The following PDXDC1 variants were observed in gnomAD, a reference collection of about 807,000 sequenced individuals.
PDXDC1 encodes pyridoxal-dependent decarboxylase domain-containing protein 1.
Under a neutral mutation model 100.1 loss-of-function variants are expected in PDXDC1, and 42 were observed. That is an observed-to-expected ratio of 0.42 (90% CI 0.33 to 0.54). The LOEUF (loss-of-function observed/expected upper bound fraction) is 0.54, where lower values mean the gene tolerates loss of function less well. Among genes scored for constraint, PDXDC1 ranks in the 20% least tolerant of loss-of-function variants. PDXDC1 has a pLI of 0.10. For synonymous variants in PDXDC1, 260 were observed against 371.7 expected (o/e 0.70, Z 3.46); for missense variants, 636 against 979.2 (o/e 0.65, Z 4.68).
At chr16:15,061,346 C>G (rs2044702678) in intron 16 of PDXDC1, 1 of 186,896 alleles carries the variant, frequency 5.4e-6, no homozygotes, top group African/African-American at 2.3e-5. Flanking sequence ...GCTCATCAGT[C>G]AAGTCCTAAG....
intron 16 of PDXDC1, chr16:15,048,109 TAA>T: frequency 9.8e-6 from 14 of 1,432,714 alleles, no homozygotes; most frequent in African/African-American, 1.5e-5. Context: ...CCTGTTTAAT[TAA>T]AAAAAAAATA....
intron 16 of PDXDC1, among the ~76,000 whole-genome samples, chr16:15,098,538 T>G (rs1294642921): frequency 2.6e-5 from 4 of 152,012 alleles, no homozygotes; most frequent in Admixed American, 2.6e-4. Context: ...TTCATCTGGA[T>G]CCTCCCTACC....
rs2043284878 is a variant in PDXDC1 at position 15,034,620 on chromosome 16, C to T, written c.2002+67C>T. The T allele has an allele frequency of 3.7e-6, 4 of 1,088,518 alleles. No homozygotes were observed. The Admixed American group carries it at 7.0e-5, about 19-fold the overall frequency. 67.4% of individuals were successfully genotyped at this position (1,088,518 alleles called of 1,614,324 possible). On this transcript the variant is annotated intron_variant, in intron 21 of 22. Transcript: ENST00000396410. The stretch of plus-strand genomic sequence containing the variant: ...GAGGTTTCACCAAATGCCCTTGGGT[C>T]CCAACACTTCCCACTGAGAATCCCG...
At chr16:15,039,642 C>T (rs956660233), downstream of PDXDC1, among the ~76,000 whole-genome samples, 4 of 152,152 alleles carry the variant, frequency 2.6e-5, no homozygotes, top group Admixed American at 6.5e-5. Context: ...CTCTCTCCTG[C>T]GTCCCAGTTC....
intron 16 of PDXDC1, chr16:15,131,252 T>G (rs766493283): frequency 4.1e-5 from 66 of 1,592,372 alleles, no homozygotes; most frequent in South Asian, 3.6e-4. Context: ...ACCTTCACGG[T>G]GATGGCGCGC....
Position 15,008,847 on chromosome 16 carries a change from G to A in PDXDC1, c.648G>A (p.Met216Ile). The A allele has an allele frequency of 6.2e-7, 1 of 1,613,450 alleles. No homozygotes were observed. The highest frequency in any genetic ancestry group is 8.5e-7 in the Non-Finnish European group (1 of 1,179,642). Residue 216 changes from methionine (M) to isoleucine (I), a missense_variant and splice_region_variant, in exon 7 of 23, where the codon ATG becomes ATA. Transcript: ENST00000396410. ...CNTVFGSQHQ[M>I]DVAFLEKLIK... ...CTGTGTTTGGATCCCAGCATCAGAT[G>A]GTGAGTTCTACTTTTGGTTTGTAAA...
rs1377424468 is a variant in PDXDC1, at chr16:15,038,232, C to G, written c.*1957C>G. On this transcript the variant is annotated 3_prime_UTR_variant, in exon 23 of 23. Coordinates refer to ENST00000396410, the MANE Select transcript of PDXDC1 (RefSeq NM_015027.4). ...GATTCTGAAAACACAAGATGGTGGG[C>G]ATTAGAGAAGCCAACCTTACTGTCC... The G allele has an allele frequency of 6.2e-7, 1 of 1,601,108 alleles. No homozygotes were observed. The highest frequency in any genetic ancestry group is 8.5e-7 in the Non-Finnish European group (1 of 1,171,570).
intron 16 of PDXDC1, chr16:15,127,177 C>T (rs1414662445): frequency 1.8e-5 from 7 of 387,896 alleles, no homozygotes; most frequent in East Asian, 6.2e-5. Context: ...ATTTCGGAAG[C>T]GTGCACAGCC....
intron 16 of PDXDC1, among the ~76,000 whole-genome samples, chr16:15,117,529 C>A (rs1262568152): frequency 1.3e-5 from 2 of 151,326 alleles, no homozygotes; most frequent in African/African-American, 2.4e-5. Context: ...TGGTGGTCTA[C>A]TAAAAATACA....
chr16:15,126,052 T>G (rs2047703149), intron 16 of PDXDC1: 2 of 550,394 alleles, frequency 3.6e-6, no homozygotes, highest in Non-Finnish European at 6.6e-6. Flanking sequence ...TTTTTTTTTC[T>G]TAGATGGAGT....
chr16:15,068,348 G>A (rs1291620670), intron 16 of PDXDC1: 4 of 1,495,988 alleles, frequency 2.7e-6, no homozygotes, highest in Non-Finnish European at 3.6e-6. Context: ...ACTTTTAAAA[G>A]CACAAATTAT....
At chr16:15,053,940 CAAAA>C (rs757082624) in intron 16 of PDXDC1, among the ~76,000 whole-genome samples, 17 of 152,054 alleles carry the variant, frequency 1.1e-4, no homozygotes, top group Non-Finnish European at 1.8e-4. Context: ...AACAAACAAA[CAAAA>C]AACCCAACCT....
chr16:15,004,598 G>A (rs1434935667), intron 5 of PDXDC1, among the ~76,000 whole-genome samples: 2 of 152,286 alleles, frequency 1.3e-5, no homozygotes, highest in African/African-American at 2.4e-5. Context: ...GATAGGGTCA[G>A]CAGTTATTTA....
chr16:15,001,031 T>G (rs1399907825), intron 3 of PDXDC1, among the ~76,000 whole-genome samples: 2 of 152,072 alleles, frequency 1.3e-5, no homozygotes, highest in Non-Finnish European at 2.9e-5. Flanking sequence ...TACTCCAAGA[T>G]TCAAATGAAA....
At chr16:15,082,884 A>G (rs1334455376) in intron 16 of PDXDC1, among the ~76,000 whole-genome samples, 4 of 152,232 alleles carry the variant, frequency 2.6e-5, no homozygotes, top group Non-Finnish European at 5.9e-5. Context: ...AAAATAAGGC[A>G]TGTTCACAAT....
At chr16:15,149,831 T>C in the PDXDC1 span, among the ~76,000 whole-genome samples, 1 of 152,004 alleles carries the variant, frequency 6.6e-6, no homozygotes, top group South Asian at 2.1e-4. Flanking sequence ...TGATGACATC[T>C]ACACCTAGGT....
intron 1 of PDXDC1, among the ~76,000 whole-genome samples, chr16:14,979,757 T>C (rs1454889605): frequency 1.3e-5 from 2 of 152,294 alleles, no homozygotes; most frequent in African/African-American, 4.8e-5. Flanking sequence ...GTCACCTTGC[T>C]GTTATGCTAG....
intron 16 of PDXDC1, among the ~76,000 whole-genome samples, chr16:15,051,627 G>A (rs558028624): frequency 6.6e-6 from 1 of 152,220 alleles, no homozygotes; most frequent in Non-Finnish European, 1.5e-5. Flanking sequence ...TGGAACCACA[G>A]GCGCACGCCA....
At chr16:15,004,368 A>G (rs770119180) in intron 5 of PDXDC1, 35 bp downstream of exon 5, 5 of 1,612,750 alleles carry the variant, frequency 3.1e-6, no homozygotes, top group Admixed American at 1.7e-5. Context: ...GAAGACTTTT[A>G]TGAGTCGGGT....
Sources: gnomAD v4.1 joint callset for allele counts (sites outside exome capture counted in the v4.1 genomes callset) on GRCh38, gnomAD v4.1.1 for gene constraint, MANE v1.5 for transcripts, NCBI Gene and HGNC (gene_info 2026-07-23, HGNC 2026-07-21) for gene names.